The following DST variants were observed in gnomAD, a reference collection of about 807,000 sequenced individuals.
The protein encoded by DST is dystonin, also known as bullous pemphigoid antigen.
DST carries 253 observed loss-of-function variants against 875.2 expected under a neutral mutation model. The observed-to-expected ratio is 0.29, with a 90% confidence interval of 0.26 to 0.32. DST has a LOEUF of 0.32. Among genes scored for constraint, DST ranks in the 10% least tolerant of loss-of-function variants. The pLI is 1.00. For synonymous variants in DST, 3,124 were observed against 3,197.1 expected (o/e 0.98, Z 0.77); for missense variants, 8,287 against 9,111.6 (o/e 0.91, Z 3.68).
chr6:56,485,847 C>T (rs6913572), intron 87 of DST, among the ~76,000 whole-genome samples: 41,344 of 151,844 alleles, frequency 0.27, 5,764 homozygotes, highest in Middle Eastern at 0.43. Context: ...TATAGATTCA[C>T]GTAATCATCA....
chr6:56,788,851 G>A (rs1322715029), intron 4 of DST, among the ~76,000 whole-genome samples: 2 of 152,092 alleles, frequency 1.3e-5, no homozygotes, highest in African/African-American at 4.8e-5. Context: ...TTAAACTTTT[G>A]TAAGCATACT....
At chr6:56,871,428 C>T in intron 3 of DST, 1 of 1,595,800 alleles carries the variant, frequency 6.3e-7, no homozygotes, top group Non-Finnish European at 8.6e-7. Context: ...AGGCCGGACA[C>T]AAGGTCGGTG....
At chr6:56,880,569 C>T (rs548000937) in intron 3 of DST, among the ~76,000 whole-genome samples, 11 of 151,956 alleles carry the variant, frequency 7.2e-5, no homozygotes, top group African/African-American at 2.7e-4. Context: ...CACCTGTTAT[C>T]CCAGCTACTT....
intron 69 of DST, among the ~76,000 whole-genome samples, chr6:56,519,763 C>T (rs2096661258): frequency 6.6e-6 from 1 of 152,162 alleles, no homozygotes; most frequent in Admixed American, 6.6e-5. Flanking sequence ...GTAGCACCCC[C>T]ACCTTCTGCC....
At chr6:56,526,703 C>G (rs986319727) in intron 68 of DST, 136 bp from the exon 69 acceptor site, 1 of 707,452 alleles carries the variant, frequency 1.4e-6, no homozygotes, top group African/African-American at 1.8e-5. Flanking sequence ...TAGTTTCAGT[C>G]GAGTTAAATA....
intron 4 of DST, among the ~76,000 whole-genome samples, chr6:56,744,427 A>G (rs1481112027): frequency 4.6e-5 from 7 of 152,130 alleles, no homozygotes; most frequent in Admixed American, 4.6e-4. Flanking sequence ...TAGAAATAAT[A>G]TGGAGGGAGA....
chr6:56,862,972 T>C (rs1772055460), intron 3 of DST: 1 of 152,220 alleles, frequency 6.6e-6, no homozygotes. Context: ...GAGGTTCTTT[T>C]TGATAAGCCT....
At position 56,615,979 on chromosome 6, in the gene DST, T is replaced by G. The variant is rs770678930; in HGVS notation, c.4930-1495A>C. On this transcript the variant is annotated intron_variant, in intron 36 of 103. Coordinates refer to ENST00000680361, the MANE Select transcript of DST (RefSeq NM_001374736.1). Reference sequence around the variant, plus strand: ...GCAAAGCTTCGGCCACCCGGTACTTTTTGCCAGTAAGAGGATCAATTATGC... The same window carrying G: ...GCAAAGCTTCGGCCACCCGGTACTTGTTGCCAGTAAGAGGATCAATTATGC... The G allele has an allele frequency of 6.2e-6, 10 of 1,614,202 alleles. No homozygotes were observed. Among genetic ancestry groups the G allele is most frequent in the Admixed American group, 1.7e-5 (1 of 60,024 alleles).
At chr6:56,918,357 C>T (rs1268398333) in intron 2 of DST, among the ~76,000 whole-genome samples, 1 of 152,022 alleles carries the variant, frequency 6.6e-6, no homozygotes, top group Non-Finnish European at 1.5e-5. Context: ...AAACTCCCGA[C>T]CTCAAGAGAT....
At chr6:56,800,218 G>A (rs1024350357) in intron 4 of DST, among the ~76,000 whole-genome samples, 3 of 152,110 alleles carry the variant, frequency 2.0e-5, no homozygotes, top group Non-Finnish European at 2.9e-5. Context: ...CTTCATTTTC[G>A]TTATAAATCC....
Position 56,651,260 on chromosome 6 carries a change from C to T in DST, c.1215-16G>A. ...CAGGTCCGGCCTAGGAAAAAATTCA[C>T]TGTGTTAATTAGGTTTTCTCATGTG... On this transcript the variant is annotated splice_polypyrimidine_tract_variant and intron_variant, in intron 10 of 103. Transcript: ENST00000680361. 3.3e-6 allele frequency: 5 copies of T among 1,529,612 alleles called. No individual in the cohort carries two copies. Among genetic ancestry groups the T allele is most frequent in the Non-Finnish European group, 4.5e-6 (5 of 1,119,142 alleles). The allele number at this position is 1,529,612 out of a possible 1,614,324, so 94.8% of individuals were successfully genotyped here. A position where few individuals can be genotyped will look rare whatever the true frequency, so the allele number is the denominator to read the frequency against.
intron 9 of DST, among the ~76,000 whole-genome samples, chr6:56,693,755 T>A (rs911969255): frequency 5.3e-5 from 8 of 151,790 alleles, no homozygotes; most frequent in South Asian, 2.1e-4. Context: ...AGCTCAAAGA[T>A]CTCTGTAAAT....
chr6:56,640,393 G>T lies in DST; in HGVS notation c.2240C>A (p.Thr747Asn). The part of the protein sequence containing the change: ...LTPSLTSSSM[T>N]SGLSSGMTSR... ...AGTCATCCCTGATGACAGGCCAGAA[G>T]TCATACTAGAAGAGGTTAGGGAAGG... Residue 747 changes from threonine to asparagine, a missense_variant, in exon 18 of 104, where the codon ACT (threonine) becomes AAT (asparagine). This residue lies in a region of DST where 1,160 missense variants were observed against 1,424.3 expected (regional missense o/e 0.81). Transcript: ENST00000680361. 1 of 1,614,194 alleles carries T rather than the reference G, an allele frequency of 6.2e-7. No individual in the cohort carries two copies. Among genetic ancestry groups the T allele is most frequent in the Non-Finnish European group, 8.5e-7 (1 of 1,180,020 alleles).
intron 69 of DST, among the ~76,000 whole-genome samples, chr6:56,524,620 T>C (rs550488778): frequency 4.3e-4 from 65 of 152,224 alleles, no homozygotes; most frequent in Non-Finnish European, 7.5e-4. Flanking sequence ...CTATGTAGCC[T>C]TATTGGAGGT....
chr6:56,625,800 A>G (rs2098728268), intron 34 of DST, among the ~76,000 whole-genome samples: 1 of 151,982 alleles, frequency 6.6e-6, no homozygotes, highest in African/African-American at 2.4e-5. Flanking sequence ...AGTATTCCAG[A>G]AAAAGGCATT....
Position 56,820,130 on chromosome 6 carries a change from G to A in DST, c.625+31267C>T, listed in dbSNP as rs532338914. ...CCTGGTTTAGAATCCCAGCTCTGCC[G>A]TTTTCAAACCGTAACTTCAGGTAAG... On this transcript the variant is annotated intron_variant, in intron 4 of 103. Transcript: ENST00000680361. 2.0e-3 allele frequency among the ~76,000 whole-genome samples: 312 copies of A among 152,258 alleles called. 1 individual carries two copies. Among genetic ancestry groups the A allele is most frequent in the African/African-American group, 6.8e-3 (284 of 41,556 alleles).
chr6:56,625,568 G>C (rs1406527835), intron 34 of DST, among the ~76,000 whole-genome samples: 2 of 152,048 alleles, frequency 1.3e-5, no homozygotes, highest in Non-Finnish European at 2.9e-5. Context: ...ACTCACGTTT[G>C]TGGTGATGCT....
At chr6:56,632,535 C>T (rs1156758370) in intron 28 of DST, among the ~76,000 whole-genome samples, 1 of 152,058 alleles carries the variant, frequency 6.6e-6, no homozygotes, top group Non-Finnish European at 1.5e-5. Context: ...GTATAAAATC[C>T]AAGTTTGGTA....
intron 50 of DST, among the ~76,000 whole-genome samples, chr6:56,576,361 G>T (rs181545491): frequency 2.0e-5 from 3 of 152,280 alleles, no homozygotes; most frequent in Non-Finnish European, 4.4e-5. Context: ...CGTGAGAAGG[G>T]TCATGGGAAT....
Sources: gnomAD v4.1 joint callset for allele counts (sites outside exome capture counted in the v4.1 genomes callset) on GRCh38, gnomAD v4.1.1 for gene constraint, gnomAD v4.1.1 regional missense constraint, MANE v1.5 for transcripts, NCBI Gene and HGNC (gene_info 2026-07-23, HGNC 2026-07-21) for gene names.